Variants in OR6Y1 observed in about 807,000 individuals in gnomAD.
OR6Y1 encodes olfactory receptor family 6 subfamily Y member 1.
In OR6Y1, 1 loss-of-function variant was observed where a neutral mutation model predicts 0.4. The observed-to-expected ratio is 2.74, with a 90% CI of 0.97 to 13.02. The LOEUF (loss-of-function observed/expected upper bound fraction) is 13.02. Among genes scored for constraint, OR6Y1 ranks in the 30% most tolerant of loss-of-function variants. The probability of loss-of-function intolerance (pLI) is 0.12; values close to 1 mark genes in which losing one functional copy is unlikely to be tolerated. For synonymous variants in OR6Y1, 173 were observed against 141.1 expected (o/e 1.23, Z -1.60); for missense variants, 480 against 399.8 (o/e 1.20, Z -1.71).
At chr1:158,553,475 A>C (rs1221979655) in intron 1 of OR6Y1, among the ~76,000 whole-genome samples, 1 of 152,096 alleles carries the variant, frequency 6.6e-6, no homozygotes, top group Non-Finnish European at 1.5e-5. Flanking sequence ...TATGCTAATT[A>C]CTCTGATCTG....
Position 158,550,377 on chromosome 1 carries a change from T to A in OR6Y1, c.-1432-840A>T, listed in dbSNP as rs948753211. 1.9e-4 allele frequency among the ~76,000 whole-genome samples: 29 copies of A among 151,084 alleles called. 2 individuals are homozygous for A. The highest frequency in any genetic ancestry group is 7.1e-4 in the African/African-American group (29 of 40,710). On this transcript the variant is annotated intron_variant, in intron 1 of 1. Coordinates refer to ENST00000641622, the MANE Select transcript of OR6Y1 (RefSeq NM_001005189.2). ...CATTCTTCTTCTAATTCCAGCAGAG[T>A]CCAGATGAAGCTCCACAAAGTAAAA...
rs891740585 is a variant in OR6Y1, at chr1:158,545,443, G to A, written c.*1685C>T. ...GTATACATATGTAACAAACCTGCAC[G>A]TTGTGCACATGTACCCTAAAACTTA... On this transcript the variant is annotated 3_prime_UTR_variant, in exon 2 of 2. Transcript: ENST00000641622. The A allele has an allele frequency of 5.9e-5, 9 of 151,546 alleles. No homozygotes were observed. Among genetic ancestry groups the A allele is most frequent in the Non-Finnish European group, 1.0e-4 (7 of 67,918 alleles). 9.4% of individuals were successfully genotyped at this position (151,546 alleles called of 1,614,324 possible). A position where few individuals can be genotyped will look rare whatever the true frequency, so the allele number is the denominator to read the frequency against.
Position 158,548,162 on chromosome 1 carries a change from T to C in OR6Y1, c.-57A>G. On this transcript the variant is annotated 5_prime_UTR_variant, in exon 2 of 2. Coordinates refer to ENST00000641622, the MANE Select transcript of OR6Y1 (RefSeq NM_001005189.2). ...CTTCCATGACACAAGCACTAGTCTATGGTTATTTGTATTGATAGAGCCCAC... is the reference window on the plus strand; with the variant it reads ...CTTCCATGACACAAGCACTAGTCTACGGTTATTTGTATTGATAGAGCCCAC... 6.5e-7 allele frequency: 1 copy of C among 1,540,122 alleles called. No homozygotes were observed. Among genetic ancestry groups the C allele is most frequent in the Non-Finnish European group, 8.7e-7 (1 of 1,147,254 alleles).
At position 158,547,145 on chromosome 1, in the gene OR6Y1, C is replaced by T. The variant is rs1477992982; in HGVS notation, c.961G>A (p.Gly321Arg). The T allele has an allele frequency of 6.2e-7, 1 of 1,612,568 alleles. No homozygotes were observed. The highest frequency in any genetic ancestry group is 8.5e-7 in the Non-Finnish European group (1 of 1,179,700). Residue 321 changes from glycine (G) to arginine (R), a missense_variant, in exon 2 of 2, where the codon GGG becomes AGG. By Grantham distance (125) the Gly-to-Arg change is moderately radical. Coordinates refer to ENST00000641622, the MANE Select transcript of OR6Y1 (RefSeq NM_001005189.2). Reference protein sequence around the residue: ...HCRGSGPQGNGAFSS With the variant: ...HCRGSGPQGNRAFSS ...TACATTTTTTAACTACTGAAAGCCC[C>T]ATTTCCCTGGGGCCCACTTCCTCTG...
intron 1 of OR6Y1, among the ~76,000 whole-genome samples, chr1:158,552,240 G>GTATATATA (rs143313955): frequency 0.047 from 6,497 of 139,136 alleles, 168 homozygotes; most frequent in Middle Eastern, 0.066. Flanking sequence ...ATATATATAT[G>GTATATATA]TATATATATA....
At chr1:158,550,860 G>T (rs576328601) in intron 1 of OR6Y1, among the ~76,000 whole-genome samples, 1 of 151,812 alleles carries the variant, frequency 6.6e-6, no homozygotes, top group East Asian at 1.9e-4. Context: ...TGAATATATG[G>T]AATCATCTTT....
chr1:158,548,796 T>C lies in OR6Y1; in HGVS notation c.-691A>G, dbSNP rs752231143. On this transcript the variant is annotated 5_prime_UTR_variant, in exon 2 of 2. Coordinates refer to ENST00000641622, the MANE Select transcript of OR6Y1 (RefSeq NM_001005189.2). ...AAAGTGCATTCAAATCCAACTTTTGTCTTTGTATAGCTAAGTGAGAGTACC... is the reference window on the plus strand; with the variant it reads ...AAAGTGCATTCAAATCCAACTTTTGCCTTTGTATAGCTAAGTGAGAGTACC... The C allele has an allele frequency of 6.6e-6, 1 of 151,920 alleles. No individual in the cohort carries two copies. The highest frequency in any genetic ancestry group is 1.5e-5 in the Non-Finnish European group (1 of 68,050). The allele number at this position is 151,920 out of a possible 1,614,324, so 9.4% of individuals were successfully genotyped here. A position where few individuals can be genotyped will look rare whatever the true frequency, so the allele number is the denominator to read the frequency against.
Position 158,545,472 on chromosome 1 carries a change from T to TATG in OR6Y1, c.*1655_*1656insCAT, listed in dbSNP as rs1647497371. The TATG allele has an allele frequency of 7.3e-6, 1 of 137,206 alleles. No individual in the cohort carries two copies. Among genetic ancestry groups the TATG allele is most frequent in the Non-Finnish European group, 1.6e-5 (1 of 64,128 alleles). The allele number at this position is 137,206 out of a possible 1,614,324, so 8.5% of individuals were successfully genotyped here. A position where few individuals can be genotyped will look rare whatever the true frequency, so the allele number is the denominator to read the frequency against. The stretch of plus-strand genomic sequence containing the variant: ...TGCACATGTACCCTAAAACTTAAAG[T>TATG]ATAATAATAATAAAATAAAATAAAA... On this transcript the variant is annotated 3_prime_UTR_variant, in exon 2 of 2. Coordinates refer to ENST00000641622, the MANE Select transcript of OR6Y1 (RefSeq NM_001005189.2).
In OR6Y1 at chr1:158,545,085, G is replaced by A. The variant is rs1428363550; in HGVS notation, c.*2043C>T. 1 of 151,946 alleles carries A rather than the reference G, an allele frequency of 6.6e-6. No homozygotes were observed. Among genetic ancestry groups the A allele is most frequent in the Non-Finnish European group, 1.5e-5 (1 of 67,978 alleles). 9.4% of individuals were successfully genotyped at this position (151,946 alleles called of 1,614,324 possible). On this transcript the variant is annotated 3_prime_UTR_variant, in exon 2 of 2. Transcript: ENST00000641622. ...GATTGCTGGGTCAAATGGTATTTCT[G>A]TTTTTAAGTCTTTGAGGAATCGTTA...
Position 158,547,935 on chromosome 1 carries a change from A to T in OR6Y1, c.171T>A (p.Asp57Glu), listed in dbSNP as rs371960360. The T allele has an allele frequency of 1.8e-4, 290 of 1,613,476 alleles. No homozygotes were observed. Among genetic ancestry groups the T allele is most frequent in the Non-Finnish European group, 2.3e-4 (276 of 1,180,022 alleles). Residue 57 changes from aspartate (D) to glutamate (E), a missense_variant, in exon 2 of 2, where the codon GAT becomes GAA. Coordinates refer to ENST00000641622, the MANE Select transcript of OR6Y1 (RefSeq NM_001005189.2). ...AGTACATGGGCTTATGCAGCTGCCC[A>T]TCACTGTGGATAGCTAAGATGATAA... ...NLLIILAIHS[D>E]GQLHKPMYFF...
rs1391916729 is a variant in OR6Y1, at chr1:158,548,720, A to G, written c.-615T>C. 1.3e-5 allele frequency: 2 copies of G among 152,196 alleles called. No individual in the cohort carries two copies. The highest frequency in any genetic ancestry group is 2.9e-5 in the Non-Finnish European group (2 of 68,322). The allele number at this position is 152,196 out of a possible 1,614,324, so 9.4% of individuals were successfully genotyped here. A position where few individuals can be genotyped will look rare whatever the true frequency, so the allele number is the denominator to read the frequency against. On this transcript the variant is annotated 5_prime_UTR_variant, in exon 2 of 2. Coordinates refer to ENST00000641622, the MANE Select transcript of OR6Y1 (RefSeq NM_001005189.2). ...TTGAATGGATAACATGAAGGGTAATAGTTTCTTCAATACAATCCATTGTAT... is the reference window on the plus strand; with the variant it reads ...TTGAATGGATAACATGAAGGGTAATGGTTTCTTCAATACAATCCATTGTAT...
rs1183218281 is a variant in OR6Y1, at chr1:158,546,048, T to G, written c.*1080A>C. 2.6e-5 allele frequency: 4 copies of G among 152,252 alleles called. No homozygotes were observed. Among genetic ancestry groups the G allele is most frequent in the African/African-American group, 9.6e-5 (4 of 41,454 alleles). The allele number at this position is 152,252 out of a possible 1,614,324, so 9.4% of individuals were successfully genotyped here. ...TTGCCAGCAATACTTCTTCCTTAGCTTATAGATGCATTACTGCAGAAACAT... is the reference window on the plus strand; with the variant it reads ...TTGCCAGCAATACTTCTTCCTTAGCGTATAGATGCATTACTGCAGAAACAT... On this transcript the variant is annotated 3_prime_UTR_variant, in exon 2 of 2. Coordinates refer to ENST00000641622, the MANE Select transcript of OR6Y1 (RefSeq NM_001005189.2).
chr1:158,550,054 A>T lies in OR6Y1; in HGVS notation c.-1432-517T>A, dbSNP rs115408806. On this transcript the variant is annotated intron_variant, in intron 1 of 1. Coordinates refer to ENST00000641622, the MANE Select transcript of OR6Y1 (RefSeq NM_001005189.2). ...CTCCAGAGCCATGTCCTTGGGCTTAATCTTTGTGTCTATTTTTTAAAAATA... is the reference window on the plus strand; with the variant it reads ...CTCCAGAGCCATGTCCTTGGGCTTATTCTTTGTGTCTATTTTTTAAAAATA... Among the ~76,000 whole-genome samples the T allele has an allele frequency of 9.6e-3, 1,462 of 151,848 alleles. 80 individuals are homozygous for T. Among genetic ancestry groups the T allele is most frequent in the African/African-American group, 0.034 (1,392 of 41,172 alleles).
rs754621708 is a variant in OR6Y1 at position 158,548,059 on chromosome 1, C to G, written c.47G>C (p.Arg16Pro). ...LEVDNHTVTT[R>P]FILLGFPTRP... is the part of the protein sequence containing the mutation. ...TGTTGGAAACCCCAGAAGAATGAAA[C>G]GTGTTGTCACTGTATGATTATCTAC... Residue 16 changes from arginine (R) to proline (P), a missense_variant, in exon 2 of 2, where the codon CGT (arginine) becomes CCT (proline). Physicochemically the swap from Arg to Pro is moderately radical, Grantham distance 103 (BLOSUM62 -2). Transcript: ENST00000641622. The G allele has an allele frequency of 6.2e-7, 1 of 1,613,442 alleles. No homozygotes were observed. The highest frequency in any genetic ancestry group is 8.5e-7 in the Non-Finnish European group (1 of 1,179,948).
In OR6Y1 at chr1:158,547,845, A is replaced by T. The variant is rs1471390562; in HGVS notation, c.261T>A (p.Leu87=). ...TCTTGTCATGACTGAGGAAGTCAAC[A>T]AGCATCTTGGGGCTGATGACTGTGA... The part of the protein sequence containing the change: ...WYVTVISPKM[L]VDFLSHDKSI... Residue 87 remains leucine (L), a synonymous_variant, in exon 2 of 2, where the codon CTT becomes CTA. Coordinates refer to ENST00000641622, the MANE Select transcript of OR6Y1 (RefSeq NM_001005189.2). 5 of 1,613,532 alleles carry T rather than the reference A, an allele frequency of 3.1e-6. No individual in the cohort carries two copies. The highest frequency in any genetic ancestry group is 4.2e-6 in the Non-Finnish European group (5 of 1,180,026).
rs755094505 is a variant in OR6Y1 at position 158,547,725 on chromosome 1, G to C, written c.381C>G (p.Arg127=). ...YILLAIMAFD[R]YVAICNPLRY... ...GTAGTGGATTACAAATGGCTACATA[G>C]CGGTCAAAGGCCATGATAGCAAGAA... Residue 127 remains arginine (R), a synonymous_variant, in exon 2 of 2, where the codon CGC becomes CGG. Coordinates refer to ENST00000641622, the MANE Select transcript of OR6Y1 (RefSeq NM_001005189.2). 1 of 1,613,554 alleles carries C rather than the reference G, an allele frequency of 6.2e-7. No homozygotes were observed. Among genetic ancestry groups the C allele is most frequent in the Admixed American group, 1.7e-5 (1 of 59,970 alleles).
In OR6Y1 at chr1:158,547,624, G is replaced by T. The variant is rs767465027; in HGVS notation, c.482C>A (p.Ala161Asp). ...TGCTATAAAAACCATCTTAATCATG[G>T]CAGTCATGAGTCCACAGAACCAGCA... The part of the protein sequence containing the change: ...GGCWFCGLMT[A>D]MIKMVFIAQL... Residue 161 changes from alanine (A) to aspartate (D), a missense_variant, in exon 2 of 2, where the codon GCC (alanine) becomes GAC (aspartate). Physicochemically the swap from Ala to Asp is moderately radical, Grantham distance 126. Coordinates refer to ENST00000641622, the MANE Select transcript of OR6Y1 (RefSeq NM_001005189.2). 4 of 1,613,240 alleles carry T rather than the reference G, an allele frequency of 2.5e-6. No individual in the cohort carries two copies. Among genetic ancestry groups the T allele is most frequent in the African/African-American group, 2.7e-5 (2 of 74,490 alleles).
At chr1:158,553,454 G>A (rs1281089172) in intron 1 of OR6Y1, among the ~76,000 whole-genome samples, 2 of 152,032 alleles carry the variant, frequency 1.3e-5, no homozygotes, top group Non-Finnish European at 2.9e-5. Context: ...GTCAATGTTT[G>A]AGATGATGAA....
Position 158,544,898 on chromosome 1 carries a change from G to A in OR6Y1, c.*2230C>T, listed in dbSNP as rs1379355827. The A allele has an allele frequency of 1.3e-5, 2 of 152,106 alleles. No individual in the cohort carries two copies. Among genetic ancestry groups the A allele is most frequent in the East Asian group, 3.9e-4 (2 of 5,194 alleles). 9.4% of individuals were successfully genotyped at this position (152,106 alleles called of 1,614,324 possible). A position where few individuals can be genotyped will look rare whatever the true frequency, so the allele number is the denominator to read the frequency against. Reference sequence around the variant, plus strand: ...TTTTTATGGCTGCATAGTATTTCATGTTGTATATGTAGCACATTTTCTTTA... The same window carrying A: ...TTTTTATGGCTGCATAGTATTTCATATTGTATATGTAGCACATTTTCTTTA... On this transcript the variant is annotated 3_prime_UTR_variant, in exon 2 of 2. Coordinates refer to ENST00000641622, the MANE Select transcript of OR6Y1 (RefSeq NM_001005189.2).
Sources: allele counts gnomAD v4.1 joint callset (sites outside exome capture counted in the v4.1 genomes callset), GRCh38; gene constraint gnomAD v4.1.1; transcripts MANE v1.5; gene names NCBI Gene and HGNC (gene_info 2026-07-23, HGNC 2026-07-21).